ARHGAP28: variants seen among roughly 807,000 people sequenced by gnomAD.
ARHGAP28 encodes the protein rho GTPase-activating protein 28.
Under a neutral mutation model 90.7 loss-of-function variants are expected in ARHGAP28, and 56 were observed. The ratio of observed to expected loss-of-function variants is 0.62; its 90% CI spans 0.50 to 0.77. ARHGAP28 has a LOEUF of 0.77. Ranked by LOEUF, ARHGAP28 falls within the 30% of genes least tolerant of loss-of-function variation. The pLI, the probability that ARHGAP28 is intolerant of heterozygous loss-of-function variation, is 0.00. For synonymous variants in ARHGAP28, 308 were observed against 323.3 expected (o/e 0.95, Z 0.51); for missense variants, 869 against 900.9 (o/e 0.96, Z 0.45).
At chr18:6,841,208 C>CTCTCCTCT (rs1555631529) in intron 3 of ARHGAP28, among the ~76,000 whole-genome samples, 1 of 43,136 alleles carries the variant, frequency 2.3e-5, no homozygotes. Flanking sequence ...TCTCTCCTCT[C>CTCTCCTCT]CTCTCTCTCT....
In ARHGAP28 at chr18:6,859,881, C is replaced by G; in HGVS notation, c.710C>G (p.Pro237Arg). The change falls in exon 5 of 18, where the codon CCC (proline) becomes CGC (arginine). Residue 237 changes from proline to arginine, a missense_variant. Transcript: ENST00000383472. ...SQDKEGSFAV[P>R]RSDSVAILET... ...GATAAAGAAGGGAGTTTTGCGGTTCCCAGGAGTGACTCTGTGGTAAGTCAT... is the reference window on the plus strand; with the variant it reads ...GATAAAGAAGGGAGTTTTGCGGTTCGCAGGAGTGACTCTGTGGTAAGTCAT... 1 of 1,614,134 alleles carries G rather than the reference C, an allele frequency of 6.2e-7. No individual in the cohort carries two copies. The highest frequency in any genetic ancestry group is 8.5e-7 in the Non-Finnish European group (1 of 1,180,016).
chr18:6,891,956 G>A (rs912870416), intron 14 of ARHGAP28, among the ~76,000 whole-genome samples: 2 of 152,106 alleles, frequency 1.3e-5, no homozygotes, highest in African/African-American at 4.8e-5. Context: ...CCAGGGAAAA[G>A]GACAGTAAAT....
intron 11 of ARHGAP28, among the ~76,000 whole-genome samples, chr18:6,884,086 T>G (rs982640701): frequency 2.0e-5 from 3 of 151,940 alleles, no homozygotes; most frequent in Admixed American, 2.0e-4. Flanking sequence ...TCAAAATCCT[T>G]GTTGGCGGCC....
At chr18:6,847,840 T>G (rs2056878558) in intron 3 of ARHGAP28, among the ~76,000 whole-genome samples, 2 of 152,160 alleles carry the variant, frequency 1.3e-5, no homozygotes, top group Admixed American at 6.5e-5. Context: ...GAATTGTTAC[T>G]GCAAAGGGAT....
At chr18:6,847,626 T>TGG (rs1194144442) in intron 3 of ARHGAP28, among the ~76,000 whole-genome samples, 1,385 of 83,114 alleles carry the variant, frequency 0.017, 24 homozygotes, top group African/African-American at 0.062. Context: ...AGAGAGAGAG[T>TGG]GGGGGTGTGT....
chr18:6,850,654 A>C, intron 3 of ARHGAP28: 1 of 634,270 alleles, frequency 1.6e-6, no homozygotes, highest in Non-Finnish European at 2.6e-6. Flanking sequence ...CAGACACTCC[A>C]CCAAGTAGAA....
intron 1 of ARHGAP28, among the ~76,000 whole-genome samples, chr18:6,806,139 C>T (rs1192411823): frequency 6.6e-6 from 1 of 152,150 alleles, no homozygotes; most frequent in Non-Finnish European, 1.5e-5. Flanking sequence ...GGCAGTCCGC[C>T]TGCCTCAGCC....
chr18:6,756,311 A>G (rs1567936798), intron 1 of ARHGAP28, among the ~76,000 whole-genome samples: 1 of 151,910 alleles, frequency 6.6e-6, no homozygotes, highest in Non-Finnish European at 1.5e-5. Context: ...CTCTCTTCCT[A>G]TTCCATCTCC....
chr18:6,908,178 C>T (rs2057374529), intron 16 of ARHGAP28, among the ~76,000 whole-genome samples: 1 of 151,460 alleles, frequency 6.6e-6, no homozygotes, highest in Admixed American at 6.6e-5. Context: ...CACTCTGTCG[C>T]CCAGGCTGGA....
chr18:6,894,272 C>A (rs1038586001), intron 14 of ARHGAP28, among the ~76,000 whole-genome samples: 1 of 152,228 alleles, frequency 6.6e-6, no homozygotes, highest in Non-Finnish European at 1.5e-5. Context: ...TCAGCCACTT[C>A]TGACTTCCCC....
intron 2 of ARHGAP28, among the ~76,000 whole-genome samples, chr18:6,825,319 A>G (rs1462155784): frequency 6.6e-6 from 1 of 152,180 alleles, no homozygotes; most frequent in Admixed American, 6.5e-5. Context: ...CTCATTTGTT[A>G]TTATTAATTA....
intron 2 of ARHGAP28, among the ~76,000 whole-genome samples, chr18:6,832,261 G>C (rs566143452): frequency 7.2e-5 from 11 of 151,880 alleles, no homozygotes; most frequent in African/African-American, 2.4e-4. Flanking sequence ...TAAGTAAATT[G>C]TGTTATGTAA....
intron 10 of ARHGAP28, among the ~76,000 whole-genome samples, chr18:6,877,352 T>C (rs2057139306): frequency 6.6e-6 from 1 of 152,140 alleles, no homozygotes; most frequent in Non-Finnish European, 1.5e-5. Context: ...GGGGTGAGGC[T>C]CTAACCACGG....
chr18:6,781,465 C>A (rs530198646), intron 1 of ARHGAP28, among the ~76,000 whole-genome samples: 1 of 152,340 alleles, frequency 6.6e-6, no homozygotes, highest in Admixed American at 6.5e-5. Context: ...TTTTCTCTCT[C>A]AGCTAAAGTG....
chr18:6,817,242 C>T (rs1276327567), intron 1 of ARHGAP28, among the ~76,000 whole-genome samples: 2 of 151,874 alleles, frequency 1.3e-5, no homozygotes, highest in African/African-American at 4.8e-5. Flanking sequence ...TGAACTGGGA[C>T]CCAGAGACGG....
At chr18:6,901,554 A>C (rs2057338652) in intron 16 of ARHGAP28, among the ~76,000 whole-genome samples, 1 of 151,916 alleles carries the variant, frequency 6.6e-6, no homozygotes. Context: ...AAAAAAAAAA[A>C]AAACAGCCCT....
At chr18:6,802,720 T>C (rs976020619) in intron 1 of ARHGAP28, among the ~76,000 whole-genome samples, 13 of 152,174 alleles carry the variant, frequency 8.5e-5, no homozygotes, top group African/African-American at 3.1e-4. Flanking sequence ...TTACATAACA[T>C]CTTAAAATAC....
intron 1 of ARHGAP28, among the ~76,000 whole-genome samples, chr18:6,744,131 T>C (rs899561130): frequency 1.3e-5 from 2 of 152,184 alleles, no homozygotes; most frequent in African/African-American, 4.8e-5. Flanking sequence ...CAAAAACTTC[T>C]TGGAGGAGTC....
At chr18:6,895,808 C>T (rs1419094120) in intron 15 of ARHGAP28, among the ~76,000 whole-genome samples, 1 of 152,110 alleles carries the variant, frequency 6.6e-6, no homozygotes, top group African/African-American at 2.4e-5. Flanking sequence ...TTCATTTTGT[C>T]TTTTGGGGAG....
Sources: allele counts gnomAD v4.1 joint callset (sites outside exome capture counted in the v4.1 genomes callset), GRCh38; gene constraint gnomAD v4.1.1; transcripts MANE v1.5; gene names NCBI Gene and HGNC (gene_info 2026-07-23, HGNC 2026-07-21).